The following ERI1 variants were observed in gnomAD, a reference collection of about 807,000 sequenced individuals.
The protein encoded by ERI1 is exoribonuclease 1.
A neutral mutation model predicts 39.7 loss-of-function variants in ERI1; 39 were observed. The observed-to-expected ratio is 0.98, with a 90% CI of 0.76 to 1.28. The LOEUF (loss-of-function observed/expected upper bound fraction) is 1.28, where lower values mean the gene tolerates loss of function less well. ERI1 is among the 50% of genes most tolerant of loss of function. The pLI is 0.00. For synonymous variants in ERI1, 204 were observed against 149.6 expected (o/e 1.36, Z -2.65); for missense variants, 581 against 416.9 (o/e 1.39, Z -3.43).
intron 4 of ERI1, among the ~76,000 whole-genome samples, chr8:9,016,711 A>G (rs1817328914): frequency 1.3e-5 from 2 of 152,182 alleles, no homozygotes; most frequent in South Asian, 2.1e-4. Flanking sequence ...TTTTTGAGAC[A>G]GTCTCACTCT....
intron 6 of ERI1, among the ~76,000 whole-genome samples, chr8:9,026,371 A>G (rs1251687564): frequency 6.6e-6 from 1 of 152,186 alleles, no homozygotes; most frequent in African/African-American, 2.4e-5. Context: ...CCAAAAGTGA[A>G]ACTCTGTGCC....
intron 6 of ERI1, among the ~76,000 whole-genome samples, chr8:9,029,529 C>G (rs1212020703): frequency 6.6e-6 from 1 of 152,114 alleles, no homozygotes; most frequent in African/African-American, 2.4e-5. Flanking sequence ...TGGGGTGTCA[C>G]CATGTTCGCC....
At chr8:9,013,488 C>T (rs1816894281) in intron 3 of ERI1, among the ~76,000 whole-genome samples, 1 of 151,978 alleles carries the variant, frequency 6.6e-6, no homozygotes, top group African/African-American at 2.4e-5. Flanking sequence ...TCCCAGCTTC[C>T]CCGTATCAGA....
chr8:9,004,029 C>T, intron 1 of ERI1: 1 of 1,261,170 alleles, frequency 7.9e-7, no homozygotes, highest in South Asian at 1.2e-5. Flanking sequence ...TGCCTGCCTC[C>T]CTTGGTAATT....
At position 9,002,900 on chromosome 8, in the gene ERI1, C is replaced by G. The variant is rs1442426476; in HGVS notation, c.-164C>G. ...GCCTGCCCGGCGTGTGGACGCCACA[C>G]GCTCCCGGAAGTGGGAGGTGGCCGC... On this transcript the variant is annotated 5_prime_UTR_variant, in exon 1 of 7. Coordinates refer to ENST00000250263, the MANE Select transcript of ERI1 (RefSeq NM_153332.4). 2 of 445,742 alleles carry G rather than the reference C, an allele frequency of 4.5e-6. No homozygotes were observed. The highest frequency in any genetic ancestry group is 2.0e-5 in the African/African-American group (1 of 49,470). The allele number at this position is 445,742 out of a possible 1,614,324, so 27.6% of individuals were successfully genotyped here.
chr8:9,032,877 A>G lies in ERI1; in HGVS notation c.*2843A>G, dbSNP rs924645973. On this transcript the variant is annotated 3_prime_UTR_variant, in exon 7 of 7. Transcript: ENST00000250263. The stretch of plus-strand genomic sequence containing the variant: ...ATGAGCACGCACGGGTGCATTGTCA[A>G]AGTCTGAGAAGGATGTATTGTACTT... 1.3e-5 allele frequency: 2 copies of G among 152,166 alleles called. No homozygotes were observed. Among genetic ancestry groups the G allele is most frequent in the East Asian group, 1.9e-4 (1 of 5,200 alleles). The allele number at this position is 152,166 out of a possible 1,614,324, so 9.4% of individuals were successfully genotyped here.
chr8:9,020,533 A>G, intron 6 of ERI1, 69 bp downstream of exon 6: 1 of 960,578 alleles, frequency 1.0e-6, no homozygotes, highest in Non-Finnish European at 1.5e-6. Context: ...CATGTACGTT[A>G]GATTGTAATT....
intron 2 of ERI1, among the ~76,000 whole-genome samples, chr8:9,009,722 T>C (rs915589596): frequency 1.3e-5 from 2 of 152,128 alleles, no homozygotes; most frequent in African/African-American, 4.8e-5. Flanking sequence ...GTATTTTTAG[T>C]GAAGATAGGG....
intron 3 of ERI1, among the ~76,000 whole-genome samples, chr8:9,064,038 T>G (rs1798787155): frequency 6.8e-6 from 1 of 147,418 alleles, no homozygotes; most frequent in Admixed American, 6.7e-5. Flanking sequence ...GGGGTTGGGG[T>G]GTGTAAATAA....
At chr8:9,069,974 C>T (rs1798996983) in intron 3 of ERI1, among the ~76,000 whole-genome samples, 1 of 152,010 alleles carries the variant, frequency 6.6e-6, no homozygotes. Context: ...GGAGGTGGCT[C>T]ATACCTGTAA....
chr8:9,043,510 T>A (rs992628571), intron 3 of ERI1, among the ~76,000 whole-genome samples: 1 of 152,316 alleles, frequency 6.6e-6, no homozygotes, highest in East Asian at 1.9e-4. Flanking sequence ...ATGGAGACAA[T>A]TGTGGAGAAA....
chr8:9,053,469 C>A (rs1355659897), intron 3 of ERI1, among the ~76,000 whole-genome samples: 1 of 150,634 alleles, frequency 6.6e-6, no homozygotes. Flanking sequence ...CACAGCCCAG[C>A]CACTAGCCCC....
chr8:9,019,152 A>G (rs936477143), intron 5 of ERI1, among the ~76,000 whole-genome samples: 1 of 152,202 alleles, frequency 6.6e-6, no homozygotes, highest in Non-Finnish European at 1.5e-5. Context: ...TGAAAAGCTA[A>G]ATGGGAAGAT....
Position 9,069,203 on chromosome 8 carries a change from A to C in ERI1, n.300-47145A>C, listed in dbSNP as rs560830606. ...TCCATATTCTCAGATCACCTTCCCAAAAATGTCAGAATTCACAATCCCATT... is the reference window on the plus strand; with the variant it reads ...TCCATATTCTCAGATCACCTTCCCACAAATGTCAGAATTCACAATCCCATT... On this transcript the variant is annotated intron_variant and non_coding_transcript_variant, in intron 3 of 3. Coordinates refer to the ERI1 transcript ENST00000518663. 2.3e-4 allele frequency among the ~76,000 whole-genome samples: 35 copies of C among 152,330 alleles called. 1 individual carries two copies. The South Asian group carries it at 7.0e-3, about 31-fold the overall frequency.
intron 3 of ERI1, chr8:9,091,159 C>T (rs1417100624): frequency 2.6e-5 from 4 of 152,122 alleles, no homozygotes; most frequent in African/African-American, 7.2e-5. Context: ...ATTTTATCTC[C>T]CTGTCGGCCC....
intron 3 of ERI1, among the ~76,000 whole-genome samples, chr8:9,061,290 G>C (rs914915929): frequency 2.6e-5 from 4 of 152,206 alleles, no homozygotes; most frequent in African/African-American, 9.7e-5. Context: ...ATGAGGGTCA[G>C]ATGTGGTATC....
At chr8:9,055,943 G>T (rs901824854) in intron 3 of ERI1, among the ~76,000 whole-genome samples, 2 of 152,140 alleles carry the variant, frequency 1.3e-5, no homozygotes, top group Admixed American at 6.6e-5. Context: ...TTGCCTCAGG[G>T]AAAAATGAGG....
rs1294749627 is a variant in ERI1 at position 9,031,679 on chromosome 8, C to T, written c.*1645C>T. On this transcript the variant is annotated 3_prime_UTR_variant, in exon 7 of 7. Coordinates refer to ENST00000250263, the MANE Select transcript of ERI1 (RefSeq NM_153332.4). ...ATCTGCTAATTTCTTTGCCTGTTTT[C>T]ACTTTCGCCAAGTACCAACAAGCTC... 1 of 152,160 alleles carries T rather than the reference C, an allele frequency of 6.6e-6. No homozygotes were observed. Among genetic ancestry groups the T allele is most frequent in the African/African-American group, 2.4e-5 (1 of 41,440 alleles). The allele number at this position is 152,160 out of a possible 1,614,324, so 9.4% of individuals were successfully genotyped here.
chr8:9,023,819 G>A lies in ERI1; in HGVS notation c.807+3355G>A, dbSNP rs1181252233. On this transcript the variant is annotated intron_variant, in intron 6 of 6. Coordinates refer to ENST00000250263, the MANE Select transcript of ERI1 (RefSeq NM_153332.4). ...TTTTTTTTTTTTTTTTTTTTTTTGA[G>A]GCGGAGTCTCACTCTGTCTCCCAAG... Among the ~76,000 whole-genome samples the A allele has an allele frequency of 9.9e-4, 22 of 22,300 alleles. No individual in the cohort carries two copies. In the Middle Eastern group the frequency reaches 0.19, roughly 195 times the overall value. 14.6% of individuals were successfully genotyped at this position (22,300 alleles called of 152,430 possible).
Sources: allele counts gnomAD v4.1 joint callset (sites outside exome capture counted in the v4.1 genomes callset), GRCh38; gene constraint gnomAD v4.1.1; transcripts MANE v1.5; gene names NCBI Gene and HGNC (gene_info 2026-07-23, HGNC 2026-07-21).